The following URB2 variants were observed in gnomAD, a reference collection of about 807,000 sequenced individuals.
URB2 encodes the protein URB2 ribosome biogenesis homolog.
Under a neutral mutation model 120.9 loss-of-function variants are expected in URB2, and 86 were observed. The observed-to-expected ratio is 0.71, with a 90% CI of 0.60 to 0.85. The LOEUF is 0.85. URB2 is among the 40% of genes least tolerant of loss of function. The pLI is 0.00. For synonymous variants in URB2, 755 were observed against 758.4 expected, an observed-to-expected ratio of 1.00 and a Z score of 0.07; for missense variants, 1,765 against 1,836.5, an observed-to-expected ratio of 0.96 and a Z score of 0.71.
chr1:229,652,223 C>T (rs775354458), intron 8 of URB2, among the ~76,000 whole-genome samples: 6 of 152,004 alleles, frequency 3.9e-5, no homozygotes, highest in African/African-American at 1.2e-4. Context: ...GCATGAATTT[C>T]GATTTTATTT....
chr1:229,635,437 T>C lies in URB2; in HGVS notation c.824T>C (p.Leu275Pro). Reference protein sequence around the residue: ...DVKTGAMKNLLAPMDTVLNRL... With the variant: ...DVKTGAMKNLPAPMDTVLNRL... Reference sequence around the variant, plus strand: ...AAGACGGGAGCCATGAAGAACCTTCTGGCTCCCATGGACACCGTGCTTAAC... The same window carrying C: ...AAGACGGGAGCCATGAAGAACCTTCCGGCTCCCATGGACACCGTGCTTAAC... Residue 275 changes from leucine (L) to proline (P), a missense_variant, in exon 4 of 10, where the codon CTG becomes CCG. Transcript: ENST00000258243. 1 of 1,613,748 alleles carries C rather than the reference T, an allele frequency of 6.2e-7. No individual in the cohort carries two copies. The highest frequency in any genetic ancestry group is 8.5e-7 in the Non-Finnish European group (1 of 1,179,808).
intron 4 of URB2, among the ~76,000 whole-genome samples, chr1:229,642,962 C>T (rs1049335011): frequency 2.8e-4 from 43 of 152,110 alleles, no homozygotes; most frequent in African/African-American, 1.0e-3. Context: ...TCGATTACCA[C>T]GTATTTTGTG....
chr1:229,635,579 T>A lies in URB2; in HGVS notation c.966T>A (p.Leu322=). 6.2e-7 allele frequency: 1 copy of A among 1,614,094 alleles called. No individual in the cohort carries two copies. The highest frequency in any genetic ancestry group is 8.5e-7 in the Non-Finnish European group (1 of 1,180,036). ...CTTACTTTAAGGAGGGAAACCAGCT[T>A]CTCTGCTTCCAGGTTCTCCCCAGGT... is the stretch of plus-strand genomic sequence containing the variant. ...LDSYFKEGNQ[L]LCFQVLPRLF... Residue 322 remains leucine (L), a synonymous_variant, in exon 4 of 10, where the codon CTT becomes CTA. Coordinates refer to ENST00000258243, the MANE Select transcript of URB2 (RefSeq NM_014777.4).
At chr1:229,650,545 C>T (rs1303495130) in intron 7 of URB2, among the ~76,000 whole-genome samples, 2 of 152,056 alleles carry the variant, frequency 1.3e-5, no homozygotes, top group Non-Finnish European at 2.9e-5. Flanking sequence ...GTTTTTGTGC[C>T]TTGGCCTCCC....
At position 229,637,490 on chromosome 1, in the gene URB2, C is replaced by A. The variant is rs772595372; in HGVS notation, c.2877C>A (p.Arg959=). The A allele has an allele frequency of 1.2e-6, 2 of 1,614,214 alleles. No homozygotes were observed. The highest frequency in any genetic ancestry group is 2.2e-5 in the East Asian group (1 of 44,890). The change falls in exon 4 of 10, where the codon CGC becomes CGA. Residue 959 remains arginine (R), a synonymous_variant. Transcript: ENST00000258243. The stretch of plus-strand genomic sequence containing the variant: ...ACTTGCAAAAGGGGAAAAGTGCTCG[C>A]TCTGTGTTCAAGATCATGTATGGTA... The part of the protein sequence containing the change: ...LGYLQKGKSA[R]SVFKIMYGSD...
At position 229,654,256 on chromosome 1, in the gene URB2, A is replaced by G; in HGVS notation, c.4245A>G (p.Ile1415Met). The change falls in exon 9 of 10, where the codon ATA becomes ATG. Residue 1415 changes from isoleucine (I) to methionine (M), a missense_variant. Physicochemically the swap from Ile to Met is conservative, Grantham distance 10. Transcript: ENST00000258243. Reference sequence around the variant, plus strand: ...ACACTTTGTTGTCTGTAGGAAGCATAGATGACCTGCCTACGGTCCTAAAGT... The same window carrying G: ...ACACTTTGTTGTCTGTAGGAAGCATGGATGACCTGCCTACGGTCCTAAAGT... ...REGRQKDKGS[I>M]DDLPTVLKCA... 2.5e-6 allele frequency: 4 copies of G among 1,614,016 alleles called. No homozygotes were observed. Among genetic ancestry groups the G allele is most frequent in the Non-Finnish European group, 3.4e-6 (4 of 1,179,926 alleles).
intron 3 of URB2, among the ~76,000 whole-genome samples, chr1:229,634,503 C>T (rs1665742615): frequency 6.6e-6 from 1 of 152,154 alleles, no homozygotes; most frequent in South Asian, 2.1e-4. Context: ...CTGTGCCTGG[C>T]CTATAAACAT....
chr1:229,632,886 G>T (rs1225838301), intron 3 of URB2, among the ~76,000 whole-genome samples: 1 of 151,874 alleles, frequency 6.6e-6, no homozygotes, highest in Non-Finnish European at 1.5e-5. Context: ...GGCAACCCGG[G>T]GCCACCTCAG....
At position 229,647,581 on chromosome 1, in the gene URB2, G is replaced by C. The variant is rs115914317; in HGVS notation, c.3978G>C (p.Leu1326=). Residue 1326 remains leucine, a synonymous_variant, in exon 7 of 10, where the codon CTG becomes CTC. Coordinates refer to ENST00000258243, the MANE Select transcript of URB2 (RefSeq NM_014777.4). ...TGGTCGGGCCTGTCTTAGATGTCCTGGCTGCACTGCTGCGGCAGGGGGAGG... is the reference window on the plus strand; with the variant it reads ...TGGTCGGGCCTGTCTTAGATGTCCTCGCTGCACTGCTGCGGCAGGGGGAGG... ...LTVVGPVLDV[L]AALLRQGEEA... 7.0e-4 allele frequency: 1,124 copies of C among 1,614,178 alleles called. 7 individuals are homozygous for C. The African/African-American group carries it at 0.014, about 20-fold the overall frequency.
At chr1:229,652,370 T>C (rs1011317192) in intron 8 of URB2, among the ~76,000 whole-genome samples, 2 of 152,074 alleles carry the variant, frequency 1.3e-5, no homozygotes, top group Non-Finnish European at 2.9e-5. Context: ...GTGACCGTAG[T>C]TGTGGGCCGA....
rs1409217082 is a variant in URB2, at chr1:229,637,478, G to T, written c.2865G>T (p.Gly955=). 1 of 1,614,178 alleles carries T rather than the reference G, an allele frequency of 6.2e-7. No individual in the cohort carries two copies. The highest frequency in any genetic ancestry group is 1.6e-4 in the Middle Eastern group (1 of 6,062). ...AACTTCTTGGTTACTTGCAAAAGGG[G>T]AAAAGTGCTCGCTCTGTGTTCAAGA... ...CYQLLGYLQK[G]KSARSVFKIM... Residue 955 remains glycine, a synonymous_variant, in exon 4 of 10, where the codon GGG becomes GGT. Transcript: ENST00000258243.
At position 229,635,556 on chromosome 1, in the gene URB2, T is replaced by C; in HGVS notation, c.943T>C (p.Tyr315His). Residue 315 changes from tyrosine to histidine, a missense_variant, in exon 4 of 10, where the codon TAC (tyrosine) becomes CAC (histidine). Transcript: ENST00000258243. ...GCTGTATAAGCTCTTTCTAGATTCTTACTTTAAGGAGGGAAACCAGCTTCT... is the reference window on the plus strand; with the variant it reads ...GCTGTATAAGCTCTTTCTAGATTCTCACTTTAAGGAGGGAAACCAGCTTCT... ...ALLYKLFLDSYFKEGNQLLCF... is the reference protein window; with the variant it reads ...ALLYKLFLDSHFKEGNQLLCF... 2.5e-6 allele frequency: 4 copies of C among 1,614,120 alleles called. No individual in the cohort carries two copies. Among genetic ancestry groups the C allele is most frequent in the Non-Finnish European group, 2.5e-6 (3 of 1,180,024 alleles).
Position 229,647,738 on chromosome 1 carries a change from C to T in URB2, c.4135C>T (p.Gln1379Ter), listed in dbSNP as rs770839033. The T allele has an allele frequency of 1.2e-5, 20 of 1,613,650 alleles. No homozygotes were observed. Among genetic ancestry groups the T allele is most frequent in the East Asian group, 4.5e-5 (2 of 44,884 alleles). ...RLHNVLFSIL[Q>*]CHPKVMLKAI... ...GCACAACGTGCTCTTCTCAATCCTG[C>T]AGTGTCACCCTAAGGTGAGAAGGAG... Residue 1379 changes from glutamine to a stop codon, truncating the protein, a stop_gained, in exon 7 of 10, where the codon CAG becomes TAG. Coordinates refer to ENST00000258243, the MANE Select transcript of URB2 (RefSeq NM_014777.4). LOFTEE classifies it high-confidence loss of function.
chr1:229,647,866 G>A lies in URB2; in HGVS notation c.4149+114G>A, dbSNP rs973764710. On this transcript the variant is annotated intron_variant, in intron 7 of 9. Coordinates refer to ENST00000258243, the MANE Select transcript of URB2 (RefSeq NM_014777.4). ...GTTGCAGGATAATAATACAAATAAC[G>A]ATTTGCTAGGCAAACTTTCTGTTCT... 3.2e-5 allele frequency: 46 copies of A among 1,457,390 alleles called. No homozygotes were observed. In the South Asian group the frequency reaches 5.8e-4, roughly 18 times the overall value. The allele number at this position is 1,457,390 out of a possible 1,614,324, so 90.3% of individuals were successfully genotyped here. A position where few individuals can be genotyped will look rare whatever the true frequency, so the allele number is the denominator to read the frequency against.
intron 8 of URB2, among the ~76,000 whole-genome samples, chr1:229,653,617 A>G (rs992445243): frequency 2.6e-5 from 4 of 152,124 alleles, no homozygotes; most frequent in East Asian, 3.9e-4. Flanking sequence ...AGCTGTGGGG[A>G]CACTCATGCA....
In URB2 at chr1:229,659,376, G is replaced by A; in HGVS notation, c.*79G>A. ...GGTCTGAAAGAGCTGGAGAATGAAA[G>A]ACTTAAGATGTTCTAATTCGTAGTA... On this transcript the variant is annotated 3_prime_UTR_variant, in exon 10 of 10. Coordinates refer to ENST00000258243, the MANE Select transcript of URB2 (RefSeq NM_014777.4). The A allele has an allele frequency of 2.1e-6, 3 of 1,446,226 alleles. No individual in the cohort carries two copies. Among genetic ancestry groups the A allele is most frequent in the Non-Finnish European group, 2.9e-6 (3 of 1,051,242 alleles). 89.6% of individuals were successfully genotyped at this position (1,446,226 alleles called of 1,614,324 possible).
At position 229,632,339 on chromosome 1, in the gene URB2, T is replaced by A. The variant is rs202134097; in HGVS notation, c.197T>A (p.Ile66Asn). 5.0e-6 allele frequency: 8 copies of A among 1,597,052 alleles called. No homozygotes were observed. The East Asian group carries it at 1.8e-4, about 36-fold the overall frequency. ...AAAAAGCTTGAACTGAAGGAAGATA[T>A]TGTTGAAAGGCTTTGGATCTATATA... ...YKKKLELKED[I>N]VERLWIYIDN... Residue 66 changes from isoleucine (I) to asparagine (N), a missense_variant, in exon 3 of 10, where the codon ATT (isoleucine) becomes AAT (asparagine). Physicochemically the swap from Ile to Asn is moderately radical, Grantham distance 149. Coordinates refer to ENST00000258243, the MANE Select transcript of URB2 (RefSeq NM_014777.4).
chr1:229,631,150 C>CT (rs796979309), intron 2 of URB2, among the ~76,000 whole-genome samples: 31 of 152,308 alleles, frequency 2.0e-4, no homozygotes, highest in African/African-American at 6.3e-4. Context: ...AAGATGGCTT[C>CT]TTTCCCTAAA....
intron 2 of URB2, among the ~76,000 whole-genome samples, chr1:229,629,537 T>C (rs1665610576): frequency 6.6e-6 from 1 of 152,252 alleles, no homozygotes; most frequent in Non-Finnish European, 1.5e-5. Context: ...CTGTGGTTTG[T>C]TAAGAATGCA....
Sources: allele counts gnomAD v4.1 joint callset (sites outside exome capture counted in the v4.1 genomes callset), GRCh38; gene constraint gnomAD v4.1.1; transcripts MANE v1.5; gene names NCBI Gene and HGNC (gene_info 2026-07-23, HGNC 2026-07-21).